Variants in TBL1X observed in about 807,000 individuals in gnomAD.
TBL1X encodes the protein F-box-like/WD repeat-containing protein TBL1X.
In TBL1X, 10 loss-of-function variants were observed where a neutral mutation model predicts 50.7. The ratio of observed to expected loss-of-function variants is 0.20; its 90% CI spans 0.12 to 0.33. The LOEUF is 0.33. TBL1X is among the 10% of genes least tolerant of loss of function. The pLI, the probability that TBL1X is intolerant of heterozygous loss-of-function variation, is 1.00. For missense variants in TBL1X, 340 were observed against 504.4 expected, an observed-to-expected ratio of 0.67 and a Z score of 3.12; for synonymous variants, 190 against 214.7, an observed-to-expected ratio of 0.88 and a Z score of 1.01.
chrX:9,619,851 T>C (rs2239407), intron 2 of TBL1X, among the ~76,000 whole-genome samples: 36,221 of 110,827 alleles, frequency 0.33, 5,081 homozygotes, highest in East Asian at 0.7. Context: ...CCACGTCACC[T>C]ACCTGAGCTG....
chrX:9,700,435 A>G (rs1010578493), intron 12 of TBL1X, among the ~76,000 whole-genome samples: 1 of 112,109 alleles, frequency 8.9e-6, no homozygotes. Context: ...TTTCCTACCC[A>G]GCTGACCCAG....
intron 12 of TBL1X, among the ~76,000 whole-genome samples, chrX:9,703,360 T>C (rs1164619300): frequency 2.7e-5 from 3 of 110,570 alleles, no homozygotes; most frequent in Non-Finnish European, 3.8e-5. Flanking sequence ...TGTGCCCTTC[T>C]GTCTCGGCAT....
At chrX:9,579,191 G>T (rs1392346187) in intron 2 of TBL1X, among the ~76,000 whole-genome samples, 1 of 112,237 alleles carries the variant, frequency 8.9e-6, no homozygotes, top group Non-Finnish European at 1.9e-5. Context: ...GCATCTTGTT[G>T]TAAGAGTCTA....
intron 2 of TBL1X, among the ~76,000 whole-genome samples, chrX:9,602,051 CAAAA>C (rs1033593465): frequency 8.9e-6 from 1 of 111,873 alleles, no homozygotes; most frequent in African/African-American, 3.2e-5. Flanking sequence ...CTTGAGAAAA[CAAAA>C]AGAAAGAAAT....
At chrX:9,510,112 T>C (rs897854394) in intron 2 of TBL1X, among the ~76,000 whole-genome samples, 1 of 111,218 alleles carries the variant, frequency 9.0e-6, no homozygotes, top group African/African-American at 3.3e-5. Flanking sequence ...TAGAGTTTGG[T>C]TGTCACAGCT....
chrX:9,586,362 G>A (rs1291702394), intron 2 of TBL1X, among the ~76,000 whole-genome samples: 1 of 112,223 alleles, frequency 8.9e-6, no homozygotes, highest in Non-Finnish European at 1.9e-5. Flanking sequence ...GAAACTTGTG[G>A]ACATTATGTT....
chrX:9,561,533 G>T (rs770128575), intron 2 of TBL1X, among the ~76,000 whole-genome samples: 2 of 112,020 alleles, frequency 1.8e-5, no homozygotes, highest in African/African-American at 6.5e-5. Context: ...ATAGAAACAT[G>T]TTCTCTGGGG....
intron 5 of TBL1X, among the ~76,000 whole-genome samples, chrX:9,665,743 A>G (rs2146611295): frequency 9.6e-6 from 1 of 104,105 alleles, no homozygotes; most frequent in African/African-American, 3.5e-5. Context: ...TTTGAGAAAA[A>G]CCTACGTTTT....
chrX:9,626,177 T>C (rs1430674102), intron 2 of TBL1X, among the ~76,000 whole-genome samples: 2 of 111,399 alleles, frequency 1.8e-5, no homozygotes, highest in African/African-American at 6.5e-5. Flanking sequence ...TACCACAATA[T>C]CCTTGGACAT....
intron 5 of TBL1X, among the ~76,000 whole-genome samples, chrX:9,670,417 T>G (rs2082954030): frequency 9.0e-6 from 1 of 111,347 alleles, no homozygotes; most frequent in Admixed American, 9.6e-5. Flanking sequence ...CCCTAATCTC[T>G]AAGCCTTCGG....
intron 2 of TBL1X, among the ~76,000 whole-genome samples, chrX:9,515,249 T>C (rs1043657278): frequency 8.9e-6 from 1 of 112,009 alleles, no homozygotes; most frequent in Non-Finnish European, 1.9e-5. Flanking sequence ...GATCATCTTG[T>C]GTTTTACACT....
intron 2 of TBL1X, among the ~76,000 whole-genome samples, chrX:9,633,703 G>GA: frequency 8.9e-6 from 1 of 112,376 alleles, no homozygotes; most frequent in East Asian, 2.8e-4. Flanking sequence ...ACACATTGGA[G>GA]AACACATAGT....
intron 5 of TBL1X, among the ~76,000 whole-genome samples, chrX:9,664,409 G>T (rs1221946949): frequency 9.0e-6 from 1 of 111,412 alleles, no homozygotes; most frequent in East Asian, 2.8e-4. Context: ...GATTCGAGTG[G>T]CAGCCCTATT....
intron 2 of TBL1X, among the ~76,000 whole-genome samples, chrX:9,512,891 C>G (rs1255618068): frequency 9.0e-6 from 1 of 111,720 alleles, no homozygotes; most frequent in African/African-American, 3.3e-5. Flanking sequence ...AGTTGCTGAT[C>G]AAGCGACTGA....
chrX:9,590,309 CTG>C (rs1004212952), intron 2 of TBL1X, among the ~76,000 whole-genome samples: 1 of 111,207 alleles, frequency 9.0e-6, no homozygotes, highest in African/African-American at 3.3e-5. Context: ...ATATGCAACT[CTG>C]TGCTATTTCT....
At chrX:9,585,533 CTG>C (rs915379529) in intron 2 of TBL1X, among the ~76,000 whole-genome samples, 32 of 111,270 alleles carry the variant, frequency 2.9e-4, no homozygotes, top group African/African-American at 7.9e-4. Flanking sequence ...CACTTAATGA[CTG>C]TGACCCTGGG....
intron 1 of TBL1X, among the ~76,000 whole-genome samples, chrX:9,473,973 TG>T (rs1179696885): frequency 1.8e-5 from 2 of 112,488 alleles, no homozygotes; most frequent in African/African-American, 6.5e-5. Context: ...TATGGGACTC[TG>T]AGTGTAATTC....
At chrX:9,474,765 C>T (rs992154746) in intron 1 of TBL1X, among the ~76,000 whole-genome samples, 14 of 112,789 alleles carry the variant, frequency 1.2e-4, no homozygotes, top group Admixed American at 9.4e-4. Flanking sequence ...GAGAATTAGG[C>T]GTTTTGCTGC....
chrX:9,549,668 A>T (rs1299941891), intron 2 of TBL1X, among the ~76,000 whole-genome samples: 2 of 111,173 alleles, frequency 1.8e-5, no homozygotes, highest in Non-Finnish European at 3.8e-5. Context: ...AGGTTTAATG[A>T]CTCAAAAGAA....
Sources: gnomAD v4.1 joint callset for allele counts (sites outside exome capture counted in the v4.1 genomes callset) on GRCh38, gnomAD v4.1.1 for gene constraint, MANE v1.5 for transcripts, NCBI Gene and HGNC (gene_info 2026-07-23, HGNC 2026-07-21) for gene names.